Variants in TSHR observed in about 807,000 individuals in gnomAD.
TSHR encodes thyrotropin receptor.
TSHR carries 51 observed loss-of-function variants against 64.1 expected under a neutral mutation model. The observed-to-expected ratio is 0.80, with a 90% confidence interval of 0.64 to 1.01. The LOEUF (loss-of-function observed/expected upper bound fraction) is 1.01. Ranked by LOEUF, TSHR falls within the 50% of genes least tolerant of loss-of-function variation. The pLI, the probability that TSHR is intolerant of heterozygous loss-of-function variation, is 0.00. For synonymous variants in TSHR, 361 were observed against 361.9 expected (o/e 1.00, Z 0.03); for missense variants, 877 against 942.8 (o/e 0.93, Z 0.91).
intron 7 of TSHR, among the ~76,000 whole-genome samples, chr14:81,097,816 CT>C (rs2140002422): frequency 6.6e-6 from 1 of 152,262 alleles, no homozygotes; most frequent in African/African-American, 2.4e-5. Context: ...TCTTTGCTGG[CT>C]TTTGTGCTTC....
intron 6 of TSHR, among the ~76,000 whole-genome samples, chr14:81,094,820 C>T (rs956903046): frequency 6.6e-6 from 1 of 151,006 alleles, no homozygotes; most frequent in Non-Finnish European, 1.5e-5. Flanking sequence ...CCGAATAGCT[C>T]CTTTTAACAT....
Position 81,103,372 on chromosome 14 carries a change from CT to C in TSHR, c.615-5002del, listed in dbSNP as rs547887977. 1,223 of 985,430 alleles carry C rather than the reference CT, an allele frequency of 1.2e-3. 3 individuals are homozygous for C. The highest frequency in any genetic ancestry group is 7.0e-3 in the South Asian group (148 of 21,290). The allele number at this position is 985,430 out of a possible 1,614,324, so 61.0% of individuals were successfully genotyped here. A position where few individuals can be genotyped will look rare whatever the true frequency, so the allele number is the denominator to read the frequency against. On this transcript the variant is annotated intron_variant, in intron 7 of 9. Transcript: ENST00000298171. The surrounding 1 kb of genome is among the most constrained non-coding windows in gnomAD (Gnocchi z 4.1). ...AAGTTTGTCCAGGTATCATTAGGTT[CT>C]CATTTAAACAATGTGTCATCCAAAA...
At position 80,997,130 on chromosome 14, in the gene TSHR, C is replaced by G. The variant is rs377269194; in HGVS notation, c.170+41280C>G. Among the ~76,000 whole-genome samples the G allele has an allele frequency of 3.9e-5, 6 of 152,228 alleles. No homozygotes were observed. In the East Asian group the frequency reaches 1.2e-3, roughly 29 times the overall value. On this transcript the variant is annotated intron_variant, in intron 1 of 9. Coordinates refer to ENST00000298171, the MANE Select transcript of TSHR (RefSeq NM_000369.5). ...TTGCTCCCATTTTACAGAAGAGGAA[C>G]TGGAGGCTTAAAGAAGTTGAAGAAC...
intron 1 of TSHR, among the ~76,000 whole-genome samples, chr14:81,022,106 C>CAAAAAAAA (rs10631450): frequency 8.7e-6 from 1 of 115,570 alleles, no homozygotes; most frequent in Non-Finnish European, 1.7e-5. Context: ...ACTAAAAATA[C>CAAAAAAAA]AAAAAAAAAA....
intron 7 of TSHR, among the ~76,000 whole-genome samples, chr14:81,102,296 C>A (rs1474383481): frequency 6.6e-6 from 1 of 152,132 alleles, no homozygotes; most frequent in Non-Finnish European, 1.5e-5. Context: ...ATCATGGATT[C>A]TGTGGGAGGC....
At chr14:81,072,754 T>TGA (rs1887173191) in intron 3 of TSHR, among the ~76,000 whole-genome samples, 1 of 138,406 alleles carries the variant, frequency 7.2e-6, no homozygotes, top group African/African-American at 3.4e-5. Context: ...GTGAAAAGCT[T>TGA]TGGGAGGCCG....
In TSHR at chr14:81,067,244, C is replaced by G. The variant is rs1053341519; in HGVS notation, c.243-1010C>G. On this transcript the variant is annotated intron_variant, in intron 2 of 9. Transcript: ENST00000298171. ...CCATTAAAAATGCTTCTTATTGACT[C>G]TAGTGTTCTTTTCTGATGCTCATGT... Among the ~76,000 whole-genome samples, 7 of 151,980 alleles carry G rather than the reference C, an allele frequency of 4.6e-5. No individual in the cohort carries two copies. In the South Asian group the frequency reaches 6.2e-4, roughly 14 times the overall value.
chr14:81,031,885 AC>A (rs1884367282), intron 1 of TSHR, among the ~76,000 whole-genome samples: 1 of 152,176 alleles, frequency 6.6e-6, no homozygotes, highest in Admixed American at 6.6e-5. Flanking sequence ...CCTAGGACAC[AC>A]CTTCAGGTGA....
chr14:81,137,734 C>A (rs1268607503), intron 8 of TSHR, among the ~76,000 whole-genome samples: 1 of 152,200 alleles, frequency 6.6e-6, no homozygotes, highest in Admixed American at 6.5e-5. Flanking sequence ...GGTGTTTTGT[C>A]ACGCAGTAAC....
intron 3 of TSHR, chr14:81,087,682 C>A (rs529447954): frequency 5.2e-5 from 23 of 444,720 alleles, no homozygotes; most frequent in African/African-American, 4.2e-4. Context: ...AATTCTGATA[C>A]TACAATTAAG....
chr14:81,063,350 C>A (rs1886374583), intron 2 of TSHR, among the ~76,000 whole-genome samples: 1 of 151,988 alleles, frequency 6.6e-6, no homozygotes, highest in Non-Finnish European at 1.5e-5. Flanking sequence ...TCCTCTATAC[C>A]CCACTCTCCT....
intron 1 of TSHR, among the ~76,000 whole-genome samples, chr14:81,022,220 A>G (rs998220312): frequency 1.2e-4 from 18 of 152,052 alleles, no homozygotes; most frequent in Non-Finnish European, 2.4e-4. Flanking sequence ...CAGTGAGCCG[A>G]GATAGTGCCA....
intron 1 of TSHR, chr14:81,033,261 T>A (rs576795183): frequency 9.2e-5 from 44 of 477,748 alleles, no homozygotes; most frequent in African/African-American, 6.8e-4. Context: ...TGGTACTAGA[T>A]CTTGTCCAAG....
At chr14:81,136,138 T>A (rs1595168453) in intron 8 of TSHR, among the ~76,000 whole-genome samples, 1 of 152,238 alleles carries the variant, frequency 6.6e-6, no homozygotes, top group Non-Finnish European at 1.5e-5. Context: ...AGCGTGGATG[T>A]TATTCATGGT....
rs1328134414 is a variant in TSHR, at chr14:81,144,009, A to C, written c.1951A>C (p.Lys651Gln). 17 of 1,614,064 alleles carry C rather than the reference A, an allele frequency of 1.1e-5. No individual in the cohort carries two copies. Among genetic ancestry groups the C allele is most frequent in the Non-Finnish European group, 1.4e-5 (16 of 1,180,048 alleles). The change falls in exon 10 of 10, where the codon AAG becomes CAG. Residue 651 changes from lysine (K) to glutamine (Q), a missense_variant. Physicochemically the swap from Lys to Gln is moderately conservative, Grantham distance 53. Coordinates refer to ENST00000298171, the MANE Select transcript of TSHR (RefSeq NM_000369.5). ...CTATGCTCTGTCAGCAATTCTGAAC[A>C]AGCCTCTCATCACTGTTAGCAACTC... ...SFYALSAILNKPLITVSNSKI... is the reference protein window; with the variant it reads ...SFYALSAILNQPLITVSNSKI...
At chr14:81,061,035 A>G (rs1270922572) in intron 1 of TSHR, among the ~76,000 whole-genome samples, 1 of 152,136 alleles carries the variant, frequency 6.6e-6, no homozygotes, top group African/African-American at 2.4e-5. Context: ...TCACACCTTT[A>G]AGGTGCAAAT....
At chr14:81,112,061 C>A (rs1890245549) in intron 8 of TSHR, among the ~76,000 whole-genome samples, 1 of 151,970 alleles carries the variant, frequency 6.6e-6, no homozygotes, top group South Asian at 2.1e-4. Flanking sequence ...TGTGAAACTG[C>A]CTGAAAATGC....
At chr14:81,001,788 C>T in intron 1 of TSHR, 1 of 332,024 alleles carries the variant, frequency 3.0e-6, no homozygotes, top group South Asian at 2.6e-5. Context: ...GTCGAGTGAA[C>T]AGAAAACTAT....
At chr14:81,105,780 A>G (rs1162655725) in intron 7 of TSHR, among the ~76,000 whole-genome samples, 1 of 152,222 alleles carries the variant, frequency 6.6e-6, no homozygotes, top group East Asian at 1.9e-4. Flanking sequence ...ATGAAGAGGA[A>G]AAACTGAGAT....
Sources: allele counts gnomAD v4.1 joint callset (sites outside exome capture counted in the v4.1 genomes callset), GRCh38; gene constraint gnomAD v4.1.1; non-coding constraint Gnocchi (gnomAD v3.1); transcripts MANE v1.5; gene names NCBI Gene and HGNC (gene_info 2026-07-23, HGNC 2026-07-21).